CPE: variants seen among roughly 807,000 people sequenced by gnomAD.
CPE encodes carboxypeptidase E.
CPE carries 17 observed loss-of-function variants against 53.5 expected under a neutral mutation model. The ratio of observed to expected loss-of-function variants is 0.32; its 90% CI spans 0.22 to 0.48. The LOEUF (loss-of-function observed/expected upper bound fraction) is 0.48, where lower values mean the gene tolerates loss of function less well. Among genes scored for constraint, CPE ranks in the 20% least tolerant of loss-of-function variants. The pLI is 0.99. For missense variants in CPE, 524 were observed against 614.7 expected, an observed-to-expected ratio of 0.85 and a Z score of 1.56; for synonymous variants, 226 against 228.8, an observed-to-expected ratio of 0.99 and a Z score of 0.11.
chr4:165,479,787 C>CGA (rs1008511333), intron 3 of CPE, among the ~76,000 whole-genome samples: 2 of 151,856 alleles, frequency 1.3e-5, no homozygotes, highest in African/African-American at 4.8e-5. Context: ...GTCAGGAGAT[C>CGA]GAGACCATCC....
chr4:165,492,582 G>A (rs944528892), intron 6 of CPE, among the ~76,000 whole-genome samples: 3 of 152,226 alleles, frequency 2.0e-5, no homozygotes, highest in African/African-American at 7.2e-5. Context: ...TCCTTCTTAA[G>A]GGCTTACAAC....
intron 1 of CPE, among the ~76,000 whole-genome samples, chr4:165,449,846 A>T (rs1223259552): frequency 6.6e-6 from 1 of 151,788 alleles, no homozygotes; most frequent in Non-Finnish European, 1.5e-5. Flanking sequence ...ACACTTGATG[A>T]TTTTTATCAG....
chr4:165,467,626 A>T, intron 2 of CPE, 62 bp from the exon 3 acceptor site: 1 of 1,486,478 alleles, frequency 6.7e-7, no homozygotes, highest in Non-Finnish European at 9.1e-7. Context: ...AGGGACCTTA[A>T]ATAGAAAGTG....
intron 6 of CPE, among the ~76,000 whole-genome samples, chr4:165,492,563 C>A (rs1052517659): frequency 1.3e-5 from 2 of 152,128 alleles, no homozygotes; most frequent in African/African-American, 2.4e-5. Context: ...CCTGAGTGAG[C>A]AATTCCTGTC....
intron 1 of CPE, among the ~76,000 whole-genome samples, chr4:165,402,352 A>G (rs1209879749): frequency 6.6e-6 from 1 of 152,208 alleles, no homozygotes; most frequent in East Asian, 1.9e-4. Flanking sequence ...ATACTTCAGT[A>G]TTAAAGGATG....
At chr4:165,496,724 G>A (rs978684819) in intron 8 of CPE, among the ~76,000 whole-genome samples, 3 of 152,116 alleles carry the variant, frequency 2.0e-5, no homozygotes, top group African/African-American at 7.2e-5. Context: ...CAAAGAGAGT[G>A]GCTTGGACAC....
chr4:165,495,787 G>C (rs1339485889), intron 8 of CPE, 110 bp downstream of exon 8: 2 of 642,012 alleles, frequency 3.1e-6, no homozygotes, highest in Non-Finnish European at 5.0e-6. Context: ...CTATGAGGTA[G>C]GCAACATTGT....
At chr4:165,492,695 A>G (rs1403294490) in intron 6 of CPE, among the ~76,000 whole-genome samples, 1 of 152,206 alleles carries the variant, frequency 6.6e-6, no homozygotes, top group African/African-American at 2.4e-5. Flanking sequence ...AGAACAGGAC[A>G]GGGATTTTCA....
rs149674331 is a variant in CPE at position 165,491,302 on chromosome 4, T to G, written c.1114-1869T>G. ...TGATGTGGGAATTAGAACCTTTCTT[T>G]AAGGCTTATGCTATTGATAATTTCA... On this transcript the variant is annotated intron_variant, in intron 6 of 8. Transcript: ENST00000402744. Among the ~76,000 whole-genome samples, 500 of 152,336 alleles carry G rather than the reference T, an allele frequency of 3.3e-3. 2 individuals are homozygous for G. The highest frequency in any genetic ancestry group is 0.011 in the African/African-American group (460 of 41,574).
chr4:165,403,581 A>G (rs984664469), intron 1 of CPE, among the ~76,000 whole-genome samples: 1 of 152,148 alleles, frequency 6.6e-6, no homozygotes, highest in African/African-American at 2.4e-5. Context: ...ATTGTAACAT[A>G]TGCCATGGGG....
At position 165,404,529 on chromosome 4, in the gene CPE, G is replaced by T. The variant is rs950981482; in HGVS notation, c.307+25001G>T. ...AGTTCTGGGTTTCCACCTCCAAACT[G>T]CTCCCCAAAGGCTTTGCCCAGATCT... On this transcript the variant is annotated intron_variant, in intron 1 of 8. Coordinates refer to ENST00000402744, the MANE Select transcript of CPE (RefSeq NM_001873.4). 5 of 856,154 alleles carry T rather than the reference G, an allele frequency of 5.8e-6. No homozygotes were observed. The African/African-American group carries it at 6.6e-5, about 11-fold the overall frequency. 53.0% of individuals were successfully genotyped at this position (856,154 alleles called of 1,614,324 possible). A position where few individuals can be genotyped will look rare whatever the true frequency, so the allele number is the denominator to read the frequency against.
At chr4:165,444,009 C>T (rs893463049) in intron 1 of CPE, among the ~76,000 whole-genome samples, 2 of 152,172 alleles carry the variant, frequency 1.3e-5, no homozygotes, top group African/African-American at 4.8e-5. Flanking sequence ...AGTGCCTTGA[C>T]CTTGGCCATC....
At position 165,379,039 on chromosome 4, in the gene CPE, C is replaced by G. The variant is rs548739022; in HGVS notation, c.-183C>G. ...GCAGCCCGTGGAGCCGCGGCTTTGCCCGTCTCCTCTGGGTGGCCCCAGTGC... is the reference window on the plus strand; with the variant it reads ...GCAGCCCGTGGAGCCGCGGCTTTGCGCGTCTCCTCTGGGTGGCCCCAGTGC... On this transcript the variant is annotated 5_prime_UTR_variant, in exon 1 of 9. Coordinates refer to ENST00000402744, the MANE Select transcript of CPE (RefSeq NM_001873.4). The surrounding 1 kb of genome is among the most constrained non-coding windows in gnomAD (Gnocchi z 6.0). The G allele has an allele frequency of 2.2e-6, 1 of 455,804 alleles. No individual in the cohort carries two copies. Among genetic ancestry groups the G allele is most frequent in the East Asian group, 4.3e-5 (1 of 23,488 alleles). 28.2% of individuals were successfully genotyped at this position (455,804 alleles called of 1,614,324 possible).
chr4:165,466,899 A>G (rs1732115415), intron 2 of CPE, among the ~76,000 whole-genome samples: 1 of 152,208 alleles, frequency 6.6e-6, no homozygotes, highest in African/African-American at 2.4e-5. Context: ...AGATTGAAAC[A>G]CACAACACAT....
chr4:165,479,121 G>A (rs113207998), intron 3 of CPE, among the ~76,000 whole-genome samples: 1 of 152,128 alleles, frequency 6.6e-6, no homozygotes, highest in Non-Finnish European at 1.5e-5. Context: ...CTTTTGAATA[G>A]AATATTATAG....
At chr4:165,444,853 G>A (rs1482302328) in intron 1 of CPE, among the ~76,000 whole-genome samples, 3 of 152,082 alleles carry the variant, frequency 2.0e-5, no homozygotes, top group South Asian at 2.1e-4. Context: ...ATTGCAAGTC[G>A]GATAGCTTTC....
intron 1 of CPE, among the ~76,000 whole-genome samples, chr4:165,448,520 C>T (rs1053968759): frequency 4.6e-5 from 7 of 152,032 alleles, no homozygotes; most frequent in Non-Finnish European, 7.3e-5. Flanking sequence ...TGGGCCCTAA[C>T]GGGGAGCAGG....
At chr4:165,472,656 A>AT (rs540708162) in intron 3 of CPE, among the ~76,000 whole-genome samples, 20 of 152,124 alleles carry the variant, frequency 1.3e-4, no homozygotes, top group African/African-American at 4.3e-4. Context: ...TAGGCATAGA[A>AT]TTTTTTTTAT....
intron 3 of CPE, among the ~76,000 whole-genome samples, chr4:165,472,030 C>T (rs763333644): frequency 6.6e-6 from 1 of 152,134 alleles, no homozygotes; most frequent in African/African-American, 2.4e-5. Context: ...GAAATATGCT[C>T]CAAATTTTGT....
Sources: gnomAD v4.1 joint callset for allele counts (sites outside exome capture counted in the v4.1 genomes callset) on GRCh38, gnomAD v4.1.1 for gene constraint, Gnocchi (gnomAD v3.1) non-coding constraint, MANE v1.5 for transcripts, NCBI Gene and HGNC (gene_info 2026-07-23, HGNC 2026-07-21) for gene names.